TRMT11: variants seen among roughly 807,000 people sequenced by gnomAD.
TRMT11 encodes tRNA (guanine(10)-N(2))-methyltransferase TRMT11.
Under a neutral mutation model 62.8 loss-of-function variants are expected in TRMT11, and 53 were observed. That is an observed-to-expected ratio of 0.84 (90% CI 0.68 to 1.06). TRMT11 has a LOEUF of 1.06. Ranked by LOEUF, TRMT11 falls within the 50% of genes least tolerant of loss-of-function variation. TRMT11 has a pLI of 0.00. For synonymous variants in TRMT11, 188 were observed against 190.3 expected, an observed-to-expected ratio of 0.99 and a Z score of 0.10; for missense variants, 556 against 553.4, an observed-to-expected ratio of 1.00 and a Z score of -0.05.
chr6:126,124,813 A>G (rs921869680), intron 21 of TRMT11, among the ~76,000 whole-genome samples: 1 of 152,050 alleles, frequency 6.6e-6, no homozygotes, highest in Non-Finnish European at 1.5e-5. Flanking sequence ...TTCCTAAGCA[A>G]TACTGTTTTA....
the TRMT11 span, among the ~76,000 whole-genome samples, chr6:126,247,475 A>ATCTATCTATCTGTCTG: frequency 5.3e-4 from 78 of 147,614 alleles, no homozygotes; most frequent in African/African-American, 1.9e-3. Context: ...CTATCTATCT[A>ATCTATCTATCTGTCTG]TCTATCTATC....
intron 1 of TRMT11, among the ~76,000 whole-genome samples, chr6:125,990,115 A>G (rs976232208): frequency 2.0e-5 from 3 of 152,084 alleles, no homozygotes; most frequent in African/African-American, 7.2e-5. Context: ...AAGCGTAGTT[A>G]TGTTAAAGTA....
downstream of TRMT11, among the ~76,000 whole-genome samples, chr6:126,206,048 G>A (rs2128254893): frequency 6.6e-6 from 1 of 152,224 alleles, no homozygotes; most frequent in East Asian, 1.9e-4. Flanking sequence ...TCCTCATACT[G>A]TCTTAGTAAT....
chr6:126,258,010 CA>C, the TRMT11 span: 1 of 1,521,876 alleles, frequency 6.6e-7, no homozygotes, highest in Non-Finnish European at 9.1e-7. Flanking sequence ...TTGTAACAGT[CA>C]ACCAGCAGCT....
At chr6:126,165,059 A>C (rs531246226) in intron 21 of TRMT11, among the ~76,000 whole-genome samples, 1 of 152,228 alleles carries the variant, frequency 6.6e-6, no homozygotes, top group South Asian at 2.1e-4. Context: ...TGGGCGAATC[A>C]CAAGGTCAGG....
chr6:126,151,812 T>TTCTTTC (rs1778046735), intron 21 of TRMT11, among the ~76,000 whole-genome samples: 2 of 98,408 alleles, frequency 2.0e-5, no homozygotes, highest in African/African-American at 8.0e-5. Context: ...TGTCTTTTCT[T>TTCTTTC]TCTTTCTTTC....
At chr6:126,206,157 C>T (rs898987634), downstream of TRMT11, among the ~76,000 whole-genome samples, 3 of 152,200 alleles carry the variant, frequency 2.0e-5, no homozygotes, top group African/African-American at 7.2e-5. Flanking sequence ...TGTTCTTTGT[C>T]AGCTTGGCCA....
chr6:126,116,004 TTA>T (rs1365743661), intron 21 of TRMT11, among the ~76,000 whole-genome samples: 3 of 150,524 alleles, frequency 2.0e-5, no homozygotes, highest in Non-Finnish European at 4.4e-5. Flanking sequence ...ATTAATGCTG[TTA>T]CCTTAGGGTC....
chr6:126,007,588 A>T (rs891307929), intron 7 of TRMT11, among the ~76,000 whole-genome samples: 2 of 152,114 alleles, frequency 1.3e-5, no homozygotes, highest in Admixed American at 1.3e-4. Context: ...ATTGTGTACA[A>T]TTTTTTCTTA....
intron 17 of TRMT11, among the ~76,000 whole-genome samples, chr6:126,097,664 T>TA (rs1206798741): frequency 1.3e-5 from 2 of 152,026 alleles, no homozygotes; most frequent in Non-Finnish European, 2.9e-5. Flanking sequence ...CAATTGAAAT[T>TA]AAAAAAAATC....
At chr6:126,231,157 A>G in the TRMT11 span, among the ~76,000 whole-genome samples, 1 of 152,156 alleles carries the variant, frequency 6.6e-6, no homozygotes, top group Non-Finnish European at 1.5e-5. Context: ...TATTTGCAAG[A>G]TTTTTAAAAA....
chr6:126,081,777 G>C (rs1421460251), intron 17 of TRMT11, among the ~76,000 whole-genome samples: 1 of 152,106 alleles, frequency 6.6e-6, no homozygotes, highest in African/African-American at 2.4e-5. Context: ...AGCAATTCCA[G>C]CTTCAGTGAC....
chr6:126,270,108 A>G, the TRMT11 span, among the ~76,000 whole-genome samples: 1 of 152,244 alleles, frequency 6.6e-6, no homozygotes, highest in Non-Finnish European at 1.5e-5. Flanking sequence ...ATTGTATCTC[A>G]GATACATGGC....
Position 125,995,244 on chromosome 6 carries a change from T to G in TRMT11, c.139-723T>G, listed in dbSNP as rs538069786. 3.3e-5 allele frequency among the ~76,000 whole-genome samples: 5 copies of G among 152,300 alleles called. No homozygotes were observed. The South Asian group carries it at 1.0e-3, about 32-fold the overall frequency. Reference sequence around the variant, plus strand: ...GTAGTGTTGGACTTTTATTCCTGAATGACTTTCACTTATTGAGGGGAGGAG... The same window carrying G: ...GTAGTGTTGGACTTTTATTCCTGAAGGACTTTCACTTATTGAGGGGAGGAG... On this transcript the variant is annotated intron_variant, in intron 2 of 12. Coordinates refer to ENST00000334379, the MANE Select transcript of TRMT11 (RefSeq NM_001031712.3).
At chr6:126,267,907 A>G in the TRMT11 span, among the ~76,000 whole-genome samples, 26 of 151,774 alleles carry the variant, frequency 1.7e-4, no homozygotes, top group South Asian at 5.2e-3. Context: ...TTTTCTTCAG[A>G]TTTAGAACCA....
At chr6:126,084,986 A>G (rs1399094511) in intron 17 of TRMT11, among the ~76,000 whole-genome samples, 3 of 152,156 alleles carry the variant, frequency 2.0e-5, no homozygotes, top group African/African-American at 7.2e-5. Flanking sequence ...AAAGGTAAAT[A>G]AGTTCTGGAG....
At chr6:125,995,283 G>C (rs1326815921) in intron 2 of TRMT11, among the ~76,000 whole-genome samples, 1 of 152,136 alleles carries the variant, frequency 6.6e-6, no homozygotes, top group Non-Finnish European at 1.5e-5. Flanking sequence ...AGGAAGGAGA[G>C]TGCGGATATA....
At chr6:126,092,184 G>A (rs568655825) in intron 17 of TRMT11, among the ~76,000 whole-genome samples, 1 of 152,290 alleles carries the variant, frequency 6.6e-6, no homozygotes, top group Non-Finnish European at 1.5e-5. Flanking sequence ...AATTCTCTGT[G>A]TAGATTTAGT....
upstream of TRMT11, among the ~76,000 whole-genome samples, chr6:126,174,333 G>A (rs1778361837): frequency 1.3e-5 from 2 of 152,194 alleles, no homozygotes. Context: ...CTGGTTAAAT[G>A]TCAGGAAGCC....
Sources: gnomAD v4.1 joint callset for allele counts (sites outside exome capture counted in the v4.1 genomes callset) on GRCh38, gnomAD v4.1.1 for gene constraint, MANE v1.5 for transcripts, NCBI Gene and HGNC (gene_info 2026-07-23, HGNC 2026-07-21) for gene names.